DEPTOR: variants seen among roughly 807,000 people sequenced by gnomAD.
DEPTOR encodes the protein DEP domain-containing mTOR-interacting protein.
Under a neutral mutation model 41.6 loss-of-function variants are expected in DEPTOR, and 41 were observed. The ratio of observed to expected loss-of-function variants is 0.98; its 90% CI spans 0.77 to 1.28. The LOEUF (loss-of-function observed/expected upper bound fraction) is 1.28, where lower values mean the gene tolerates loss of function less well. DEPTOR is among the 50% of genes most tolerant of loss of function. The pLI is 0.00. For missense variants in DEPTOR, 514 were observed against 527.9 expected, an observed-to-expected ratio of 0.97 and a Z score of 0.26; for synonymous variants, 195 against 192.3, an observed-to-expected ratio of 1.01 and a Z score of -0.12.
At chr8:119,989,668 T>C (rs1055793841) in intron 4 of DEPTOR, among the ~76,000 whole-genome samples, 3 of 152,236 alleles carry the variant, frequency 2.0e-5, no homozygotes, top group Non-Finnish European at 4.4e-5. Flanking sequence ...GTAAATGATA[T>C]AAACCTGTAA....
chr8:119,977,155 CA>C (rs1563579891), intron 4 of DEPTOR, among the ~76,000 whole-genome samples: 4 of 152,110 alleles, frequency 2.6e-5, no homozygotes, highest in African/African-American at 9.7e-5. Flanking sequence ...CACGTGCCAC[CA>C]CACCCAGCTA....
intron 4 of DEPTOR, among the ~76,000 whole-genome samples, chr8:119,990,607 A>G (rs1812142660): frequency 6.6e-6 from 1 of 152,236 alleles, no homozygotes. Flanking sequence ...TCTTTACTAA[A>G]GTTACTTTGA....
intron 1 of DEPTOR, among the ~76,000 whole-genome samples, chr8:119,918,500 G>A (rs1190142489): frequency 6.6e-6 from 1 of 151,944 alleles, no homozygotes; most frequent in Non-Finnish European, 1.5e-5. Flanking sequence ...CACTCTTGTT[G>A]CCCAGGCTGG....
At chr8:119,933,639 A>C (rs1397833178) in intron 3 of DEPTOR, among the ~76,000 whole-genome samples, 1 of 152,104 alleles carries the variant, frequency 6.6e-6, no homozygotes, top group Non-Finnish European at 1.5e-5. Context: ...GCATTTAAGT[A>C]ATTTATATGT....
rs71304920 is a variant in DEPTOR, at chr8:119,904,965, C to CTTTTTTTTTTTTT, written c.123-23424_123-23412dup. ...CGCTACCATGCCTGGCTAATTTTTG[C>CTTTTTTTTTTTTT]TTTTTTTTTTTTTTTTTTTTTTTGT... On this transcript the variant is annotated intron_variant, in intron 1 of 8. Transcript: ENST00000286234. Among the ~76,000 whole-genome samples, 8 of 85,970 alleles carry CTTTTTTTTTTTTT rather than the reference C, an allele frequency of 9.3e-5. 1 individual carries two copies. The highest frequency in any genetic ancestry group is 4.6e-4 in the South Asian group (1 of 2,174). The allele number at this position is 85,970 out of a possible 152,430, so 56.4% of individuals were successfully genotyped here. A position where few individuals can be genotyped will look rare whatever the true frequency, so the allele number is the denominator to read the frequency against.
At chr8:119,935,366 A>G (rs1167512834) in intron 3 of DEPTOR, among the ~76,000 whole-genome samples, 1 of 152,222 alleles carries the variant, frequency 6.6e-6, no homozygotes, top group African/African-American at 2.4e-5. Context: ...TTAAGATGGT[A>G]GAAAGGGTTT....
intron 1 of DEPTOR, among the ~76,000 whole-genome samples, chr8:119,920,399 A>G (rs1218266535): frequency 6.6e-6 from 1 of 152,214 alleles, no homozygotes; most frequent in African/African-American, 2.4e-5. Flanking sequence ...TGTTGGCGCT[A>G]AAATATTGTG....
At chr8:119,913,102 G>A (rs535419422) in intron 1 of DEPTOR, among the ~76,000 whole-genome samples, 9 of 152,196 alleles carry the variant, frequency 5.9e-5, no homozygotes, top group Admixed American at 5.2e-4. Context: ...TGTATTTTTA[G>A]TAGAGATGGG....
chr8:119,875,615 G>A (rs1326135706), intron 1 of DEPTOR, among the ~76,000 whole-genome samples: 1 of 152,152 alleles, frequency 6.6e-6, no homozygotes, highest in Non-Finnish European at 1.5e-5. Context: ...GAAGACTTGC[G>A]GCAGTACAGC....
chr8:119,933,038 G>T (rs1828065321), intron 3 of DEPTOR, among the ~76,000 whole-genome samples: 1 of 152,080 alleles, frequency 6.6e-6, no homozygotes, highest in African/African-American at 2.4e-5. Context: ...AGTAAGAACT[G>T]GTGATTTTAA....
chr8:119,966,024 A>G (rs1828553923), intron 4 of DEPTOR, among the ~76,000 whole-genome samples: 1 of 152,196 alleles, frequency 6.6e-6, no homozygotes, highest in Non-Finnish European at 1.5e-5. Context: ...CTTTGGAAAA[A>G]AGTCGTGTCT....
chr8:119,983,488 G>A (rs903159360), intron 4 of DEPTOR, among the ~76,000 whole-genome samples: 2 of 152,130 alleles, frequency 1.3e-5, no homozygotes, highest in African/African-American at 4.8e-5. Flanking sequence ...AGGTTCAAGC[G>A]ATTCTCCTGC....
In DEPTOR at chr8:120,019,830, G is replaced by A. The variant is rs1003550578; in HGVS notation, c.1101+10697G>A. 4.1e-4 allele frequency among the ~76,000 whole-genome samples: 62 copies of A among 152,000 alleles called. 1 individual carries two copies. Among genetic ancestry groups the A allele is most frequent in the Non-Finnish European group, 7.2e-4 (49 of 68,002 alleles). On this transcript the variant is annotated intron_variant, in intron 8 of 8. Transcript: ENST00000286234. The stretch of plus-strand genomic sequence containing the variant: ...CTCTGAGGTTCAGCTTTCCCAGATC[G>A]AGTTGCCCTCTGCCCTGTCACCCTG...
chr8:119,921,767 TGTTTG>T (rs1827898923), intron 1 of DEPTOR, among the ~76,000 whole-genome samples: 5 of 145,200 alleles, frequency 3.4e-5, no homozygotes, highest in African/African-American at 1.1e-4. Flanking sequence ...TTTGTTTGTT[TGTTTG>T]TTTTTTGAAA....
chr8:119,949,430 C>T (rs978093152), intron 3 of DEPTOR, among the ~76,000 whole-genome samples: 3 of 152,148 alleles, frequency 2.0e-5, no homozygotes, highest in South Asian at 4.1e-4. Flanking sequence ...CTGTGTTCAA[C>T]GATTTGAAGA....
rs375937347 is a variant in DEPTOR, at chr8:120,001,594, G to A, written c.674G>A (p.Arg225Gln). 6 of 1,613,758 alleles carry A rather than the reference G, an allele frequency of 3.7e-6. No individual in the cohort carries two copies. The highest frequency in any genetic ancestry group is 1.1e-5 in the South Asian group (1 of 91,052). Residue 225 changes from arginine (R) to glutamine (Q), a missense_variant, in exon 5 of 9, where the codon CGA becomes CAA. Transcript: ENST00000286234. ...YQFRMNFRRR[R>Q]RLMELLNEKS... Reference sequence around the variant, plus strand: ...TTCAGAATGAACTTCCGGCGGAGGCGAAGACTGATGGAGCTGCTCAATGAA... The same window carrying A: ...TTCAGAATGAACTTCCGGCGGAGGCAAAGACTGATGGAGCTGCTCAATGAA...
intron 4 of DEPTOR, among the ~76,000 whole-genome samples, chr8:119,973,481 C>T (rs1828658941): frequency 6.6e-6 from 1 of 152,204 alleles, no homozygotes; most frequent in South Asian, 2.1e-4. Flanking sequence ...AGCGATCCTC[C>T]AGCCTTGGCC....
intron 1 of DEPTOR, among the ~76,000 whole-genome samples, chr8:119,889,677 A>AGGGGAGGGGAGGGGG (rs1827426552): frequency 4.3e-5 from 1 of 23,294 alleles, no homozygotes; most frequent in Non-Finnish European, 9.4e-5. Flanking sequence ...AGGGGAGAGG[A>AGGGGAGGGGAGGGGG]GGGGAGGACA....
At chr8:120,023,413 G>A (rs1812752950) in intron 8 of DEPTOR, among the ~76,000 whole-genome samples, 1 of 151,866 alleles carries the variant, frequency 6.6e-6, no homozygotes, top group Non-Finnish European at 1.5e-5. Context: ...GCTAATTTTT[G>A]TATTTTTAGT....
Sources: allele counts gnomAD v4.1 joint callset (sites outside exome capture counted in the v4.1 genomes callset), GRCh38; gene constraint gnomAD v4.1.1; transcripts MANE v1.5; gene names NCBI Gene and HGNC (gene_info 2026-07-23, HGNC 2026-07-21).